ZBTB46: variants seen among roughly 807,000 people sequenced by gnomAD.
ZBTB46 encodes zinc finger and BTB domain-containing protein 46.
Under a neutral mutation model 44.1 loss-of-function variants are expected in ZBTB46, and 8 were observed. The observed-to-expected ratio is 0.18, with a 90% confidence interval of 0.11 to 0.33. The LOEUF (loss-of-function observed/expected upper bound fraction) is 0.33. Among genes scored for constraint, ZBTB46 ranks in the 10% least tolerant of loss-of-function variants. The pLI, the probability that ZBTB46 is intolerant of heterozygous loss-of-function variation, is 1.00. For missense variants in ZBTB46, 651 were observed against 847.7 expected, an observed-to-expected ratio of 0.77 and a Z score of 2.88; for synonymous variants, 409 against 382.3, an observed-to-expected ratio of 1.07 and a Z score of -0.81.
At chr20:63,782,197 A>ACCCCCCAG (rs1555845747) in intron 2 of ZBTB46, among the ~76,000 whole-genome samples, 1 of 150,872 alleles carries the variant, frequency 6.6e-6, no homozygotes, top group Non-Finnish European at 1.5e-5. Flanking sequence ...CCAGGCTGCA[A>ACCCCCCAG]CCCCCGAGCC....
intron 1 of ZBTB46, among the ~76,000 whole-genome samples, chr20:63,824,111 C>G (rs11086129): frequency 1.6e-4 from 24 of 151,954 alleles, no homozygotes; most frequent in African/African-American, 5.8e-4. Context: ...CAAGCAGACA[C>G]GTCCCACCTA....
intron 1 of ZBTB46, among the ~76,000 whole-genome samples, chr20:63,802,204 C>G (rs11908560): frequency 0.014 from 2,068 of 152,242 alleles, 50 homozygotes; most frequent in African/African-American, 0.047. Context: ...AGGCAGATTG[C>G]TTGAGGCCAG....
At chr20:63,750,298 G>A (rs1283758072) in intron 4 of ZBTB46, among the ~76,000 whole-genome samples, 1 of 152,158 alleles carries the variant, frequency 6.6e-6, no homozygotes, top group Non-Finnish European at 1.5e-5. Flanking sequence ...AGGCTGGAGT[G>A]CAGTGGTGCA....
At chr20:63,760,452 G>C (rs190036529) in intron 3 of ZBTB46, among the ~76,000 whole-genome samples, 46 of 152,002 alleles carry the variant, frequency 3.0e-4, no homozygotes, top group South Asian at 6.2e-4. Context: ...CTTTTCACAG[G>C]AGTTATATCA....
intron 1 of ZBTB46, among the ~76,000 whole-genome samples, chr20:63,804,662 G>GACGA (rs1358309852): frequency 4.6e-5 from 7 of 152,090 alleles, no homozygotes; most frequent in Non-Finnish European, 1.0e-4. Flanking sequence ...GGGAGGCCAA[G>GACGA]GCAGGTGGAT....
rs1362612921 is a variant in ZBTB46 at position 63,790,088 on chromosome 20, C to T, written c.670G>A (p.Gly224Arg). 8.7e-6 allele frequency: 14 copies of T among 1,613,928 alleles called. No individual in the cohort carries two copies. Among genetic ancestry groups the T allele is most frequent in the East Asian group, 4.5e-5 (2 of 44,894 alleles). Residue 224 changes from glycine to arginine, a missense_variant, in exon 2 of 5, where the codon GGG (glycine) becomes AGG (arginine). Gly to Arg is a moderately radical substitution (Grantham distance 125, BLOSUM62 -2). Transcript: ENST00000245663. ...TGCTCTTCCTTGATGCGCAGAGGCC[C>T]GTAGCCCACGTCTCCAGGCCATAGA... ...QPLWPGDVGY[G>R]PLRIKEEQVS...
At chr20:63,801,763 C>T (rs950826007) in intron 1 of ZBTB46, among the ~76,000 whole-genome samples, 9 of 152,204 alleles carry the variant, frequency 5.9e-5, no homozygotes, top group East Asian at 1.9e-4. Flanking sequence ...ACACTCACCG[C>T]GAGAGTCCAT....
Position 63,803,937 on chromosome 20 carries a change from G to C in ZBTB46, c.-33-13147C>G, listed in dbSNP as rs774387575. 7.9e-5 allele frequency among the ~76,000 whole-genome samples: 12 copies of C among 152,076 alleles called. No individual in the cohort carries two copies. The highest frequency in any genetic ancestry group is 2.9e-4 in the African/African-American group (12 of 41,402). On this transcript the variant is annotated intron_variant, in intron 1 of 4. Transcript: ENST00000245663. This position sits in a 1 kb window ranked among gnomAD's most constrained non-coding sequence, Gnocchi z 4.0. ...CCAGGTTGGTCTTGAATTCCTAAAC[G>C]AACCTGCCGCCCTGGCTTCTCAAAG...
rs1463544674 is a variant in ZBTB46 at position 63,745,956 on chromosome 20, C to G, written c.*974G>C. 1 of 152,698 alleles carries G rather than the reference C, an allele frequency of 6.5e-6. No individual in the cohort carries two copies. Among genetic ancestry groups the G allele is most frequent in the East Asian group, 1.9e-4 (1 of 5,344 alleles). 9.5% of individuals were successfully genotyped at this position (152,698 alleles called of 1,614,324 possible). On this transcript the variant is annotated 3_prime_UTR_variant, in exon 5 of 5. Coordinates refer to ENST00000245663, the MANE Select transcript of ZBTB46 (RefSeq NM_001369741.1). Reference sequence around the variant, plus strand: ...AAACAAAATAATTTTATGTAACTACCTCGATATGTCTCTGACTACTTAAAA... The same window carrying G: ...AAACAAAATAATTTTATGTAACTACGTCGATATGTCTCTGACTACTTAAAA...
At position 63,787,050 on chromosome 20, in the gene ZBTB46, AG is replaced by A. The variant is rs991971344; in HGVS notation, c.937+2770del. 3.9e-5 allele frequency among the ~76,000 whole-genome samples: 6 copies of A among 152,238 alleles called. No individual in the cohort carries two copies. The highest frequency in any genetic ancestry group is 8.8e-5 in the Non-Finnish European group (6 of 68,040). On this transcript the variant is annotated intron_variant, in intron 2 of 4. Transcript: ENST00000245663. This position sits in a 1 kb window ranked among gnomAD's most constrained non-coding sequence, Gnocchi z 4.6. The stretch of plus-strand genomic sequence containing the variant: ...AATAAAATCTACATTGTGTCAAAGT[AG>A]AACAGCATTTACCCGCAGGTGGGGT...
rs986213110 is a variant in ZBTB46 at position 63,748,043 on chromosome 20, G to A, written c.1399-742C>T. On this transcript the variant is annotated intron_variant, in intron 4 of 4. Transcript: ENST00000245663. ...TGGGCCCACACCTCAGCCTGGCTGCGTGGACACCCCCTCAGCCCCTGACCC... is the reference window on the plus strand; with the variant it reads ...TGGGCCCACACCTCAGCCTGGCTGCATGGACACCCCCTCAGCCCCTGACCC... Among the ~76,000 whole-genome samples, 14 of 152,304 alleles carry A rather than the reference G, an allele frequency of 9.2e-5. No homozygotes were observed. The South Asian group carries it at 1.0e-3, about 11-fold the overall frequency.
At chr20:63,762,449 C>G (rs994253169) in intron 3 of ZBTB46, among the ~76,000 whole-genome samples, 1 of 151,950 alleles carries the variant, frequency 6.6e-6, no homozygotes, top group Non-Finnish European at 1.5e-5. Context: ...GTCAGGAGAT[C>G]GAGACCATCT....
At chr20:63,812,475 C>G (rs1205080342) in intron 1 of ZBTB46, among the ~76,000 whole-genome samples, 5 of 151,714 alleles carry the variant, frequency 3.3e-5, no homozygotes, top group African/African-American at 1.2e-4. Flanking sequence ...AACCCCGTCT[C>G]TACTAAAATA....
At chr20:63,831,724 C>G (rs2092853486), upstream of ZBTB46, among the ~76,000 whole-genome samples, 1 of 150,890 alleles carries the variant, frequency 6.6e-6, no homozygotes, top group Admixed American at 6.6e-5. Flanking sequence ...GGCCGCGCAC[C>G]GGGCGCTGCC....
Position 63,744,532 on chromosome 20 carries a change from A to T in ZBTB46, c.*2398T>A, listed in dbSNP as rs1232846556. 1 of 152,332 alleles carries T rather than the reference A, an allele frequency of 6.6e-6. No individual in the cohort carries two copies. The highest frequency in any genetic ancestry group is 2.4e-5 in the African/African-American group (1 of 41,448). 9.4% of individuals were successfully genotyped at this position (152,332 alleles called of 1,614,324 possible). ...TGTAATCTACACATTTTTCCTCTTC[A>T]TAAAAAAATATTTATTAGTTTGAAC... is the stretch of plus-strand genomic sequence containing the variant. On this transcript the variant is annotated 3_prime_UTR_variant, in exon 5 of 5. Transcript: ENST00000245663.
intron 3 of ZBTB46, among the ~76,000 whole-genome samples, chr20:63,766,715 C>T (rs1347034823): frequency 2.0e-5 from 3 of 152,188 alleles, no homozygotes; most frequent in Non-Finnish European, 4.4e-5. Context: ...CACTAGAAAT[C>T]CCACTTTTCT....
At chr20:63,747,654 G>A (rs2092117699) in intron 4 of ZBTB46, among the ~76,000 whole-genome samples, 1 of 152,086 alleles carries the variant, frequency 6.6e-6, no homozygotes, top group East Asian at 1.9e-4. Context: ...AGACAGGAGT[G>A]CTCAGACCTT....
Position 63,761,067 on chromosome 20 carries a change from C to T in ZBTB46, c.1223-8206G>A, listed in dbSNP as rs1420847546. On this transcript the variant is annotated intron_variant, in intron 3 of 4. Transcript: ENST00000245663. ...AAGCTGGTGTGTGGTGCCATGATCT[C>T]GGCTCGCTGCAACCTCCGCCTCCCA... 3.4e-5 allele frequency among the ~76,000 whole-genome samples: 5 copies of T among 145,814 alleles called. 1 individual carries two copies. The highest frequency in any genetic ancestry group is 7.6e-5 in the Non-Finnish European group (5 of 65,820).
At chr20:63,799,278 C>T (rs1210140989) in intron 1 of ZBTB46, among the ~76,000 whole-genome samples, 1 of 151,844 alleles carries the variant, frequency 6.6e-6, no homozygotes, top group African/African-American at 2.4e-5. Flanking sequence ...GGGCTCAAGC[C>T]ATCCACCAGC....
Sources: gnomAD v4.1 joint callset for allele counts (sites outside exome capture counted in the v4.1 genomes callset) on GRCh38, gnomAD v4.1.1 for gene constraint, Gnocchi (gnomAD v3.1) non-coding constraint, MANE v1.5 for transcripts, NCBI Gene and HGNC (gene_info 2026-07-23, HGNC 2026-07-21) for gene names.